ZSCAN5A: variants seen among roughly 807,000 people sequenced by gnomAD.
The protein encoded by ZSCAN5A is zinc finger and SCAN domain-containing protein 5A.
A neutral mutation model predicts 23.7 loss-of-function variants in ZSCAN5A; 12 were observed. The ratio of observed to expected loss-of-function variants is 0.51; its 90% confidence interval spans 0.32 to 0.82. ZSCAN5A has a LOEUF of 0.82. Ranked by LOEUF, ZSCAN5A falls within the 40% of genes least tolerant of loss-of-function variation. The pLI is 0.03. For synonymous variants in ZSCAN5A, 257 were observed against 239.9 expected (o/e 1.07, Z -0.66); for missense variants, 597 against 617.9 (o/e 0.97, Z 0.36).
chr19:56,293,207 T>C (rs1193415553), intron 2 of ZSCAN5A, among the ~76,000 whole-genome samples: 1 of 152,148 alleles, frequency 6.6e-6, no homozygotes, highest in Non-Finnish European at 1.5e-5. Context: ...CCAGGCATGG[T>C]TGTTAAGTGC....
At chr19:56,243,238 T>C (rs8111061) in intron 2 of ZSCAN5A, among the ~76,000 whole-genome samples, 84,763 of 148,490 alleles carry the variant, frequency 0.57, 24,719 homozygotes, top group South Asian at 0.72. Context: ...AGGGTGATCA[T>C]TGATGGGGAT....
chr19:56,319,894 C>T, intron 2 of ZSCAN5A: 1 of 919,560 alleles, frequency 1.1e-6, no homozygotes, highest in Non-Finnish European at 1.8e-6. Flanking sequence ...GAATAGCACT[C>T]ATCAGCTGCA....
At chr19:56,301,660 C>T (rs540321658) in intron 2 of ZSCAN5A, among the ~76,000 whole-genome samples, 55 of 152,230 alleles carry the variant, frequency 3.6e-4, no homozygotes, top group East Asian at 7.7e-4. Context: ...CTATTCAAGA[C>T]GGAGTCACTC....
At chr19:56,314,175 T>C (rs1003903316) in intron 1 of ZSCAN5A, 1 of 152,262 alleles carries the variant, frequency 6.6e-6, no homozygotes, top group African/African-American at 2.4e-5. Flanking sequence ...CATTCAGCTG[T>C]TGAGCTCACT....
At position 56,221,455 on chromosome 19, in the gene ZSCAN5A, T is replaced by C. The variant is rs2033142664; in HGVS notation, c.*120A>G. ...TACTCAAACATCCTGGCAATTCATA[T>C]CTAGGGCACTCCCTCTGTGTGTCAG... is the stretch of plus-strand genomic sequence containing the variant. On this transcript the variant is annotated 3_prime_UTR_variant, in exon 6 of 6. Transcript: ENST00000683990. The C allele has an allele frequency of 3.1e-6, 4 of 1,273,208 alleles. No individual in the cohort carries two copies. The South Asian group carries it at 4.8e-5, about 15-fold the overall frequency. 78.9% of individuals were successfully genotyped at this position (1,273,208 alleles called of 1,614,324 possible). A position where few individuals can be genotyped will look rare whatever the true frequency, so the allele number is the denominator to read the frequency against.
At chr19:56,365,711 C>G (rs1475400604) in intron 1 of ZSCAN5A, 1 of 152,216 alleles carries the variant, frequency 6.6e-6, no homozygotes, top group Non-Finnish European at 1.5e-5. Flanking sequence ...AGAATGATAA[C>G]TTACCAGAGC....
chr19:56,270,054 G>C (rs1292272434), intron 2 of ZSCAN5A, among the ~76,000 whole-genome samples: 3 of 151,832 alleles, frequency 2.0e-5, no homozygotes, highest in Non-Finnish European at 4.4e-5. Flanking sequence ...GGCTGTCTGT[G>C]ACTATAACAA....
chr19:56,342,369 T>G (rs1267978446), intron 2 of ZSCAN5A: 1 of 169,088 alleles, frequency 5.9e-6, no homozygotes, highest in African/African-American at 2.4e-5. Context: ...TTTATTTTGT[T>G]TATATCATTG....
intron 2 of ZSCAN5A, among the ~76,000 whole-genome samples, chr19:56,350,631 A>G (rs1399282561): frequency 1.3e-5 from 2 of 152,150 alleles, no homozygotes; most frequent in African/African-American, 2.4e-5. Flanking sequence ...CGTTTCTGGT[A>G]ATGTACACCG....
intron 2 of ZSCAN5A, among the ~76,000 whole-genome samples, chr19:56,265,999 A>C (rs903447138): frequency 6.6e-6 from 1 of 152,180 alleles, no homozygotes; most frequent in African/African-American, 2.4e-5. Context: ...GGGTATAGAG[A>C]CTTAGCAGCT....
intron 2 of ZSCAN5A, among the ~76,000 whole-genome samples, chr19:56,345,849 A>G (rs1466585697): frequency 6.6e-6 from 1 of 152,254 alleles, no homozygotes; most frequent in African/African-American, 2.4e-5. Context: ...TTTAAAACCC[A>G]AAGAGTAGAC....
Position 56,243,953 on chromosome 19 carries a change from C to T in ZSCAN5A, c.-127-18780G>A, listed in dbSNP as rs1470326959. On this transcript the variant is annotated intron_variant, in intron 2 of 5. Coordinates refer to ENST00000683990, the MANE Select transcript of ZSCAN5A (RefSeq NM_001322064.3). ...ACAGTGAATCTATTATTGAGGAAAA[C>T]CAAAGGAGGCCTGTCTAGATAGGTC... The T allele has an allele frequency of 8.6e-6, 5 of 584,470 alleles. No individual in the cohort carries two copies. The South Asian group carries it at 1.2e-4, about 14-fold the overall frequency. 36.2% of individuals were successfully genotyped at this position (584,470 alleles called of 1,614,324 possible). A position where few individuals can be genotyped will look rare whatever the true frequency, so the allele number is the denominator to read the frequency against.
intron 2 of ZSCAN5A, among the ~76,000 whole-genome samples, chr19:56,346,466 T>A (rs1374386397): frequency 2.7e-5 from 4 of 147,384 alleles, no homozygotes; most frequent in African/African-American, 1.0e-4. Context: ...TCAAACTCCA[T>A]AAAGGAGTTG....
At chr19:56,319,365 G>A (rs1453130058), upstream of ZSCAN5A, among the ~76,000 whole-genome samples, 1 of 151,066 alleles carries the variant, frequency 6.6e-6, no homozygotes, top group Admixed American at 6.6e-5. Flanking sequence ...ATGTGGTGGC[G>A]GGTGCCTGTA....
At chr19:56,337,412 G>A (rs574201290) in intron 2 of ZSCAN5A, among the ~76,000 whole-genome samples, 31 of 152,318 alleles carry the variant, frequency 2.0e-4, no homozygotes, top group Middle Eastern at 3.4e-3. Flanking sequence ...CTGGTGTGCC[G>A]TTTGTTAAGC....
intron 2 of ZSCAN5A, among the ~76,000 whole-genome samples, chr19:56,265,302 T>C (rs760914001): frequency 2.7e-5 from 4 of 149,898 alleles, no homozygotes; most frequent in Non-Finnish European, 4.4e-5. Flanking sequence ...CCAAACCATC[T>C]TCACTTCTCA....
chr19:56,323,055 C>T (rs1283480618), intron 2 of ZSCAN5A, among the ~76,000 whole-genome samples: 6 of 151,840 alleles, frequency 4.0e-5, no homozygotes, highest in East Asian at 1.9e-4. Context: ...CCACCACGCC[C>T]GGCTAATTTT....
intron 2 of ZSCAN5A, chr19:56,342,654 C>A: frequency 1.9e-6 from 1 of 531,384 alleles, no homozygotes; most frequent in South Asian, 2.2e-5. Flanking sequence ...GGGATCTTGA[C>A]CTCCTGCCAG....
intron 2 of ZSCAN5A, among the ~76,000 whole-genome samples, chr19:56,357,206 T>C (rs778792090): frequency 2.7e-5 from 4 of 148,314 alleles, no homozygotes; most frequent in Non-Finnish European, 4.5e-5. Flanking sequence ...GAACTGTTCA[T>C]AGTCACTGCT....
Sources: allele counts gnomAD v4.1 joint callset (sites outside exome capture counted in the v4.1 genomes callset), GRCh38; gene constraint gnomAD v4.1.1; transcripts MANE v1.5; gene names NCBI Gene and HGNC (gene_info 2026-07-23, HGNC 2026-07-21).